LYPD6: variants seen among roughly 807,000 people sequenced by gnomAD.
LYPD6 encodes ly6/PLAUR domain-containing protein 6.
Under a neutral mutation model 22.7 loss-of-function variants are expected in LYPD6, and 15 were observed. The observed-to-expected ratio is 0.66, with a 90% CI of 0.44 to 1.02. The LOEUF is 1.02. Ranked by LOEUF, LYPD6 falls within the 50% of genes least tolerant of loss-of-function variation. The pLI is 0.00. For synonymous variants in LYPD6, 72 were observed against 77.5 expected, an observed-to-expected ratio of 0.93 and a Z score of 0.37; for missense variants, 189 against 208.4, an observed-to-expected ratio of 0.91 and a Z score of 0.57.
At chr2:149,342,846 G>C (rs1362474) in intron 1 of LYPD6, among the ~76,000 whole-genome samples, 90,679 of 151,458 alleles carry the variant, frequency 0.6, 27,437 homozygotes, top group East Asian at 0.9. Context: ...ACTCAGGTTT[G>C]AACTCCTCCT....
chr2:149,344,581 A>G (rs1408475818), intron 1 of LYPD6, among the ~76,000 whole-genome samples: 3 of 152,232 alleles, frequency 2.0e-5, no homozygotes, highest in Admixed American at 6.5e-5. Flanking sequence ...TACTGAATAT[A>G]TAGAAAATGT....
the LYPD6 span, among the ~76,000 whole-genome samples, chr2:149,484,429 C>CT: frequency 6.6e-6 from 1 of 152,134 alleles, no homozygotes; most frequent in South Asian, 2.1e-4. Context: ...AGACTAAACA[C>CT]TAAGCATAGA....
chr2:149,383,641 T>C (rs1559132527), intron 1 of LYPD6, among the ~76,000 whole-genome samples: 1 of 152,176 alleles, frequency 6.6e-6, no homozygotes, highest in African/African-American at 2.4e-5. Context: ...CCATGTACTG[T>C]GTAAAAACCA....
At chr2:149,358,823 G>A (rs2105065898) in intron 1 of LYPD6, among the ~76,000 whole-genome samples, 1 of 152,184 alleles carries the variant, frequency 6.6e-6, no homozygotes, top group East Asian at 1.9e-4. Context: ...TTGGGTGGAG[G>A]ACAGGGGCAC....
chr2:149,365,015 C>A (rs1445429359), intron 1 of LYPD6, among the ~76,000 whole-genome samples: 1 of 152,174 alleles, frequency 6.6e-6, no homozygotes, highest in East Asian at 1.9e-4. Flanking sequence ...CTCTCACTAT[C>A]CCCTTAAAAT....
intron 2 of LYPD6, among the ~76,000 whole-genome samples, chr2:149,439,298 A>T (rs1163583861): frequency 6.6e-6 from 1 of 152,188 alleles, no homozygotes; most frequent in Non-Finnish European, 1.5e-5. Flanking sequence ...TGGAAGACTT[A>T]TCTGGCTGCT....
intron 1 of LYPD6, among the ~76,000 whole-genome samples, chr2:149,436,369 A>G (rs1683431124): frequency 6.6e-6 from 1 of 152,234 alleles, no homozygotes; most frequent in Admixed American, 6.5e-5. Flanking sequence ...GTAGAACATG[A>G]GGAATAAGCT....
intron 1 of LYPD6, among the ~76,000 whole-genome samples, chr2:149,355,719 C>A (rs1256314270): frequency 6.6e-6 from 1 of 152,166 alleles, no homozygotes; most frequent in Non-Finnish European, 1.5e-5. Flanking sequence ...ATCCCCTTAA[C>A]TCTCCTATTA....
chr2:149,468,521 G>A, intron 3 of LYPD6, 124 bp from the exon 4 acceptor site: 1 of 1,076,118 alleles, frequency 9.3e-7, no homozygotes, highest in Non-Finnish European at 1.3e-6. Context: ...TAAACTCAAA[G>A]CAGTGCACAT....
chr2:149,391,145 A>G (rs952876927), intron 1 of LYPD6, among the ~76,000 whole-genome samples: 2 of 152,178 alleles, frequency 1.3e-5, no homozygotes, highest in African/African-American at 2.4e-5. Flanking sequence ...CATTCTCTTG[A>G]ATGTACACCA....
intron 1 of LYPD6, among the ~76,000 whole-genome samples, chr2:149,333,761 C>T (rs895050727): frequency 6.6e-6 from 1 of 152,070 alleles, no homozygotes; most frequent in South Asian, 2.1e-4. Flanking sequence ...TACCAAATGC[C>T]CCGTTATTGT....
chr2:149,394,437 G>A (rs2105101809), intron 1 of LYPD6, among the ~76,000 whole-genome samples: 1 of 152,128 alleles, frequency 6.6e-6, no homozygotes, highest in African/African-American at 2.4e-5. Flanking sequence ...AAATATAATA[G>A]GAAAGCCCAC....
intron 1 of LYPD6, among the ~76,000 whole-genome samples, chr2:149,416,779 G>T (rs923323992): frequency 4.6e-5 from 7 of 152,200 alleles, no homozygotes; most frequent in African/African-American, 1.7e-4. Context: ...TGCGTATGCT[G>T]CATCCTGAAG....
the LYPD6 span, among the ~76,000 whole-genome samples, chr2:149,484,109 T>A: frequency 6.6e-6 from 1 of 152,254 alleles, no homozygotes; most frequent in Non-Finnish European, 1.5e-5. Context: ...TGGGTTGCTC[T>A]CTTTCAACTG....
chr2:149,365,718 A>ACTAGCTTCTAG (rs1190351307), intron 1 of LYPD6, among the ~76,000 whole-genome samples: 185 of 152,354 alleles, frequency 1.2e-3, no homozygotes, highest in Admixed American at 3.0e-3. Flanking sequence ...AAGAACAGCT[A>ACTAGCTTCTAG]CTACACTTGA....
chr2:149,331,619 A>C, intron 1 of LYPD6, among the ~76,000 whole-genome samples: 1 of 151,530 alleles, frequency 6.6e-6, no homozygotes, highest in Admixed American at 6.6e-5. Flanking sequence ...AAGACTTGTT[A>C]TAATGGGATC....
intron 1 of LYPD6, among the ~76,000 whole-genome samples, chr2:149,332,760 G>T (rs1305300908): frequency 1.3e-5 from 2 of 152,128 alleles, no homozygotes; most frequent in Non-Finnish European, 2.9e-5. Flanking sequence ...GGACCATTGT[G>T]AATCATCCCC....
chr2:149,484,116 A>G, the LYPD6 span, among the ~76,000 whole-genome samples: 2 of 152,196 alleles, frequency 1.3e-5, no homozygotes, highest in South Asian at 2.1e-4. Flanking sequence ...CTCTCTTTCA[A>G]CTGCTTATTA....
At chr2:149,418,007 G>A (rs537100151) in intron 1 of LYPD6, among the ~76,000 whole-genome samples, 72 of 152,314 alleles carry the variant, frequency 4.7e-4, no homozygotes, top group African/African-American at 1.6e-3. Context: ...TGAACTTGCA[G>A]TGTAATAAAT....
Sources: gnomAD v4.1 joint callset for allele counts (sites outside exome capture counted in the v4.1 genomes callset) on GRCh38, gnomAD v4.1.1 for gene constraint, MANE v1.5 for transcripts, NCBI Gene and HGNC (gene_info 2026-07-23, HGNC 2026-07-21) for gene names.